WSCD2: variants seen among roughly 807,000 people sequenced by gnomAD.
The protein encoded by WSCD2 is sialate:O-sulfotransferase 2.
Under a neutral mutation model 55.7 loss-of-function variants are expected in WSCD2, and 28 were observed. The ratio of observed to expected loss-of-function variants is 0.50; its 90% CI spans 0.37 to 0.69. The LOEUF (loss-of-function observed/expected upper bound fraction) is 0.69. Ranked by LOEUF, WSCD2 falls within the 30% of genes least tolerant of loss-of-function variation. The pLI is 0.00. For missense variants in WSCD2, 616 were observed against 762.1 expected (o/e 0.81, Z 2.26); for synonymous variants, 301 against 301.9 (o/e 1.00, Z 0.03).
At chr12:108,170,627 G>C (rs1880138794) in intron 1 of WSCD2, among the ~76,000 whole-genome samples, 1 of 152,168 alleles carries the variant, frequency 6.6e-6, no homozygotes, top group South Asian at 2.1e-4. Flanking sequence ...GAGACTCAGT[G>C]ACCCTATCTA....
chr12:108,177,788 A>C (rs1881089581), intron 1 of WSCD2, among the ~76,000 whole-genome samples: 1 of 152,082 alleles, frequency 6.6e-6, no homozygotes, highest in Admixed American at 6.5e-5. Context: ...AGAATGTACA[A>C]AGCTAACCTA....
intron 1 of WSCD2, among the ~76,000 whole-genome samples, chr12:108,185,307 A>C (rs1258659539): frequency 6.6e-6 from 1 of 152,140 alleles, no homozygotes; most frequent in Non-Finnish European, 1.5e-5. Flanking sequence ...ACTGCAGTTC[A>C]AGAACAGTCC....
At chr12:108,151,392 T>A (rs1877987148) in intron 1 of WSCD2, among the ~76,000 whole-genome samples, 1 of 152,100 alleles carries the variant, frequency 6.6e-6, no homozygotes, top group African/African-American at 2.4e-5. Flanking sequence ...TGGCCCCAGT[T>A]AAGAACCACT....
chr12:108,178,623 A>T (rs1881219092), intron 1 of WSCD2, among the ~76,000 whole-genome samples: 1 of 152,210 alleles, frequency 6.6e-6, no homozygotes, highest in Admixed American at 6.5e-5. Flanking sequence ...GCTAAGGCCT[A>T]TACTACAGAT....
At chr12:108,175,712 C>A (rs143901051) in intron 1 of WSCD2, among the ~76,000 whole-genome samples, 49 of 152,348 alleles carry the variant, frequency 3.2e-4, no homozygotes, top group African/African-American at 1.1e-3. Context: ...TCCAGGTGAA[C>A]CTTTCAGGCG....
intron 7 of WSCD2, among the ~76,000 whole-genome samples, chr12:108,236,455 C>G (rs966631696): frequency 6.6e-6 from 1 of 152,164 alleles, no homozygotes; most frequent in Non-Finnish European, 1.5e-5. Flanking sequence ...CTCCCAGAAT[C>G]CAAATGTCTG....
In WSCD2 at chr12:108,151,611, T is replaced by C. The variant is rs143551322; in HGVS notation, c.-552+21685T>C. 3.2e-3 allele frequency among the ~76,000 whole-genome samples: 488 copies of C among 152,276 alleles called. 2 individuals carry two copies. The highest frequency in any genetic ancestry group is 0.011 in the African/African-American group (461 of 41,558). On this transcript the variant is annotated intron_variant, in intron 1 of 8. Transcript: ENST00000547525. ...GCCCAAGGTACACAGCCATTTAGAA[T>C]AAAGTCAAGATTAGAATCTAGGCCT... is the stretch of plus-strand genomic sequence containing the variant.
At position 108,175,678 on chromosome 12, in the gene WSCD2, T is replaced by C. The variant is rs139945418; in HGVS notation, c.-551-19604T>C. ...CCCAGGTGTTCCTGGGAGCCATCCC[T>C]GCCCCAGTGAGCCATCCTCTGCCTC... is the stretch of plus-strand genomic sequence containing the variant. On this transcript the variant is annotated intron_variant, in intron 1 of 8. Coordinates refer to ENST00000547525, the MANE Select transcript of WSCD2 (RefSeq NM_014653.4). Among the ~76,000 whole-genome samples, 15 of 152,326 alleles carry C rather than the reference T, an allele frequency of 9.8e-5. No homozygotes were observed. In the East Asian group the frequency reaches 2.3e-3, roughly 24 times the overall value.
chr12:108,225,369 C>T (rs569307090), intron 5 of WSCD2, among the ~76,000 whole-genome samples: 1 of 152,268 alleles, frequency 6.6e-6, no homozygotes, highest in East Asian at 1.9e-4. Flanking sequence ...GAAAAACCCA[C>T]CCCCATGATT....
intron 1 of WSCD2, among the ~76,000 whole-genome samples, chr12:108,183,837 A>G (rs1372350114): frequency 6.6e-6 from 1 of 152,178 alleles, no homozygotes; most frequent in African/African-American, 2.4e-5. Flanking sequence ...GCCACTCACC[A>G]GCTCTGCCCT....
intron 2 of WSCD2, among the ~76,000 whole-genome samples, chr12:108,196,607 C>G (rs1883960668): frequency 6.6e-6 from 1 of 152,154 alleles, no homozygotes; most frequent in East Asian, 1.9e-4. Flanking sequence ...GAAACATCAC[C>G]ACAACTGTAG....
intron 3 of WSCD2, among the ~76,000 whole-genome samples, chr12:108,208,177 G>A (rs1194275188): frequency 6.6e-6 from 1 of 152,234 alleles, no homozygotes; most frequent in Non-Finnish European, 1.5e-5. Context: ...CCTGTCCTCA[G>A]GGGGGCTTCC....
At chr12:108,144,668 A>G (rs1877205342) in intron 1 of WSCD2, among the ~76,000 whole-genome samples, 2 of 152,162 alleles carry the variant, frequency 1.3e-5, no homozygotes, top group Non-Finnish European at 2.9e-5. Flanking sequence ...CATGATAGGT[A>G]CACAACAAAG....
intron 1 of WSCD2, among the ~76,000 whole-genome samples, chr12:108,192,562 G>C (rs1244039033): frequency 6.6e-6 from 1 of 152,176 alleles, no homozygotes; most frequent in East Asian, 1.9e-4. Flanking sequence ...TGTGTTTTTA[G>C]AACACAGTCC....
intron 1 of WSCD2, among the ~76,000 whole-genome samples, chr12:108,179,258 G>T (rs150299535): frequency 6.6e-6 from 1 of 151,196 alleles, no homozygotes; most frequent in Non-Finnish European, 1.5e-5. Context: ...AACTTTCAGC[G>T]GGGGAGGGGG....
intron 1 of WSCD2, among the ~76,000 whole-genome samples, chr12:108,160,809 A>G (rs1228356042): frequency 6.6e-6 from 1 of 152,234 alleles, no homozygotes; most frequent in Admixed American, 6.5e-5. Context: ...GGATTTCTCA[A>G]TAGGAGAGGG....
chr12:108,162,928 T>G (rs1313493942), intron 1 of WSCD2, among the ~76,000 whole-genome samples: 1 of 152,208 alleles, frequency 6.6e-6, no homozygotes, highest in Non-Finnish European at 1.5e-5. Context: ...TGTGCCAGCC[T>G]CTGTGTTAAC....
chr12:108,155,615 C>G lies in WSCD2; in HGVS notation c.-552+25689C>G, dbSNP rs186558479. 1.2e-3 allele frequency among the ~76,000 whole-genome samples: 179 copies of G among 152,288 alleles called. 1 individual carries two copies. Among genetic ancestry groups the G allele is most frequent in the Non-Finnish European group, 1.9e-3 (129 of 68,026 alleles). On this transcript the variant is annotated intron_variant, in intron 1 of 8. Transcript: ENST00000547525. ...TCAGAGACCTAGGTTCAAATCCCAGCTCTACCACTTGTGAGTTTTGTGACC... is the reference window on the plus strand; with the variant it reads ...TCAGAGACCTAGGTTCAAATCCCAGGTCTACCACTTGTGAGTTTTGTGACC...
chr12:108,137,358 G>A (rs1876332554), intron 1 of WSCD2, among the ~76,000 whole-genome samples: 1 of 152,216 alleles, frequency 6.6e-6, no homozygotes, highest in Non-Finnish European at 1.5e-5. Context: ...TCAGAAAAGA[G>A]CCAGCATTCC....
Sources: gnomAD v4.1 joint callset for allele counts (sites outside exome capture counted in the v4.1 genomes callset) on GRCh38, gnomAD v4.1.1 for gene constraint, MANE v1.5 for transcripts, NCBI Gene and HGNC (gene_info 2026-07-23, HGNC 2026-07-21) for gene names.